The following MINK1 variants were observed in gnomAD, a reference collection of about 807,000 sequenced individuals.
MINK1 encodes the protein misshapen-like kinase 1.
A neutral mutation model predicts 178.4 loss-of-function variants in MINK1; 46 were observed. The ratio of observed to expected loss-of-function variants is 0.26; its 90% CI spans 0.20 to 0.33. The LOEUF (loss-of-function observed/expected upper bound fraction) is 0.33, where lower values mean the gene tolerates loss of function less well. Ranked by LOEUF, MINK1 falls within the 10% of genes least tolerant of loss-of-function variation. MINK1 has a pLI of 1.00. For missense variants in MINK1, 1,366 were observed against 1,814.9 expected, an observed-to-expected ratio of 0.75 and a Z score of 4.49; for synonymous variants, 797 against 709.7, an observed-to-expected ratio of 1.12 and a Z score of -1.96.
chr17:4,855,502 G>T (rs1295416413), intron 1 of MINK1, among the ~76,000 whole-genome samples: 147 of 91,280 alleles, frequency 1.6e-3, no homozygotes, highest in Non-Finnish European at 2.0e-3. Flanking sequence ...AAAAAAAAAG[G>T]CCGGGCACAG....
In MINK1 at chr17:4,885,900, C is replaced by T; in HGVS notation, c.640-11C>T. 6.2e-7 allele frequency: 1 copy of T among 1,613,464 alleles called. No homozygotes were observed. Among genetic ancestry groups the T allele is most frequent in the East Asian group, 2.2e-5 (1 of 44,874 alleles). Reference sequence around the variant, plus strand: ...AGGAATATTCACTTGTTCCTTCTTTCCCGTCTATAGAGTGATATTTGGTCT... The same window carrying T: ...AGGAATATTCACTTGTTCCTTCTTTTCCGTCTATAGAGTGATATTTGGTCT... On this transcript the variant is annotated splice_polypyrimidine_tract_variant and intron_variant, in intron 7 of 31. Coordinates refer to ENST00000355280, the MANE Select transcript of MINK1 (RefSeq NM_153827.5). This position sits in a 1 kb window ranked among gnomAD's most constrained non-coding sequence, Gnocchi z 5.0.
intron 1 of MINK1, among the ~76,000 whole-genome samples, chr17:4,869,940 T>C (rs1019505862): frequency 0.043 from 6 of 138 alleles, no homozygotes; most frequent in Non-Finnish European, 0.083. Flanking sequence ...GGAGTCTTGC[T>C]GTGTCGCCCC....
intron 1 of MINK1, among the ~76,000 whole-genome samples, chr17:4,873,557 A>T (rs1312480251): frequency 6.7e-6 from 1 of 150,072 alleles, no homozygotes; most frequent in East Asian, 2.0e-4. Context: ...CCAATTCAAC[A>T]TTCAAACCCA....
chr17:4,896,355 G>C lies in MINK1; in HGVS notation c.3615+13G>C, dbSNP rs749009611. 6.2e-6 allele frequency: 10 copies of C among 1,600,660 alleles called. No individual in the cohort carries two copies. The East Asian group carries it at 2.0e-4, about 32-fold the overall frequency. On this transcript the variant is annotated intron_variant, in intron 29 of 31. Coordinates refer to ENST00000355280, the MANE Select transcript of MINK1 (RefSeq NM_153827.5). The surrounding 1 kb of genome is among the most constrained non-coding windows in gnomAD (Gnocchi z 4.6). The stretch of plus-strand genomic sequence containing the variant: ...CATCCCTGTGCACGTGAGCTTGGCG[G>C]GGCTGCTGGGGGAGTGGGATGGCCC...
chr17:4,839,136 G>T (rs1909776039), intron 1 of MINK1, among the ~76,000 whole-genome samples: 1 of 152,066 alleles, frequency 6.6e-6, no homozygotes, highest in Non-Finnish European at 1.5e-5. Context: ...GTAGAGACGG[G>T]GTTTCACCGT....
At position 4,896,834 on chromosome 17, in the gene MINK1, G is replaced by C. The variant is rs1314674053; in HGVS notation, c.3915+21G>C. Reference sequence around the variant, plus strand: ...ACAAGGTGGGAGGCTCCTTCCCTCTGAAAGCCCTGCTGTCCCGGCTGCCAT... The same window carrying C: ...ACAAGGTGGGAGGCTCCTTCCCTCTCAAAGCCCTGCTGTCCCGGCTGCCAT... On this transcript the variant is annotated intron_variant, in intron 31 of 31. Coordinates refer to ENST00000355280, the MANE Select transcript of MINK1 (RefSeq NM_153827.5). This position sits in a 1 kb window ranked among gnomAD's most constrained non-coding sequence, Gnocchi z 4.6. 3.2e-5 allele frequency: 49 copies of C among 1,542,650 alleles called. No homozygotes were observed. Among genetic ancestry groups the C allele is most frequent in the Non-Finnish European group, 4.0e-5 (46 of 1,145,346 alleles).
At chr17:4,880,347 G>A (rs1967582454) in intron 2 of MINK1, among the ~76,000 whole-genome samples, 2 of 149,956 alleles carry the variant, frequency 1.3e-5, no homozygotes, top group African/African-American at 2.4e-5. Context: ...CCCCAGGTGG[G>A]AGTGCAGTGG....
intron 1 of MINK1, among the ~76,000 whole-genome samples, chr17:4,867,744 G>A (rs529429559): frequency 2.0e-5 from 3 of 152,020 alleles, no homozygotes; most frequent in East Asian, 3.9e-4. Context: ...CCTGGAAGGC[G>A]GAGGTGGCAG....
chr17:4,848,211 T>C (rs1287869743), intron 1 of MINK1, among the ~76,000 whole-genome samples: 5 of 152,170 alleles, frequency 3.3e-5, no homozygotes, highest in Non-Finnish European at 7.3e-5. Context: ...CAGGGAATTG[T>C]TCCTTAGGGA....
intron 1 of MINK1, chr17:4,857,255 C>T (rs1376224005): frequency 1.3e-5 from 3 of 231,190 alleles, no homozygotes; most frequent in Non-Finnish European, 2.7e-5. Context: ...CAGACATGGC[C>T]ATGATGCCGG....
intron 1 of MINK1, among the ~76,000 whole-genome samples, chr17:4,838,499 C>T (rs1909639018): frequency 6.6e-6 from 1 of 152,146 alleles, no homozygotes; most frequent in Admixed American, 6.6e-5. Flanking sequence ...TTCCTTTCCG[C>T]ATTGAACTGT....
chr17:4,850,145 A>G (rs937803008), intron 1 of MINK1, among the ~76,000 whole-genome samples: 1 of 152,206 alleles, frequency 6.6e-6, no homozygotes, highest in African/African-American at 2.4e-5. Context: ...CCATGAAGGA[A>G]GAAGGGACCA....
In MINK1 at chr17:4,887,352, C is replaced by T. The variant is rs1968310264; in HGVS notation, c.1019+173C>T. On this transcript the variant is annotated intron_variant, in intron 11 of 31. Transcript: ENST00000355280. The surrounding 1 kb of genome is among the most constrained non-coding windows in gnomAD (Gnocchi z 7.6). ...AGTGGAACCAATGACTGAGCAAGAG[C>T]TGGGGAGAGAGCAATTTGTGGTGAA... 1.3e-5 allele frequency among the ~76,000 whole-genome samples: 2 copies of T among 152,054 alleles called. No homozygotes were observed. The highest frequency in any genetic ancestry group is 4.1e-4 in the South Asian group (2 of 4,822).
At chr17:4,860,400 G>A (rs1913976926) in intron 1 of MINK1, among the ~76,000 whole-genome samples, 1 of 152,182 alleles carries the variant, frequency 6.6e-6, no homozygotes, top group South Asian at 2.1e-4. Context: ...TAGGCTCTGA[G>A]TTTCAGTTCG....
intron 1 of MINK1, among the ~76,000 whole-genome samples, chr17:4,861,297 G>C (rs1240113559): frequency 6.6e-6 from 1 of 152,146 alleles, no homozygotes; most frequent in African/African-American, 2.4e-5. Context: ...GAGTTTCTGC[G>C]TTAACATCAC....
chr17:4,896,079 C>T lies in MINK1; in HGVS notation c.3441C>T (p.Pro1147=). The change falls in exon 28 of 32, where the codon CCC becomes CCT. Residue 1147 remains proline, a synonymous_variant. Transcript: ENST00000355280. The surrounding 1 kb of genome is among the most constrained non-coding windows in gnomAD (Gnocchi z 4.6). ...AGGTGTATGCCTGGGCCCCCAAACC[C>T]TACCACAAATTCATGGCCTTCAAGG... is the stretch of plus-strand genomic sequence containing the variant. The part of the protein sequence containing the change: ...SVEVYAWAPK[P]YHKFMAFKSF... 4 of 1,608,144 alleles carry T rather than the reference C, an allele frequency of 2.5e-6. No homozygotes were observed. Among genetic ancestry groups the T allele is most frequent in the Non-Finnish European group, 3.4e-6 (4 of 1,177,326 alleles).
At chr17:4,872,448 G>A (rs1915967504) in intron 1 of MINK1, among the ~76,000 whole-genome samples, 1 of 151,958 alleles carries the variant, frequency 6.6e-6, no homozygotes, top group South Asian at 2.1e-4. Context: ...GACCAGCCTG[G>A]GCAACACGGT....
At chr17:4,890,128 T>C in intron 13 of MINK1, 1 of 485,316 alleles carries the variant, frequency 2.1e-6, no homozygotes, top group Non-Finnish European at 3.4e-6. Flanking sequence ...CTCCTGCGGA[T>C]CCCTTCCTCC....
In MINK1 at chr17:4,833,559, C is replaced by G; in HGVS notation, c.-25C>G. On this transcript the variant is annotated 5_prime_UTR_variant, in exon 1 of 32. Transcript: ENST00000355280. The surrounding 1 kb of genome is among the most constrained non-coding windows in gnomAD (Gnocchi z 4.8). ...AACCGAGCCGGAGCGTGAGCGGCCC[C>G]GGTGCCCCGTTCCCCACGGAGGCCA... 2 of 1,490,744 alleles carry G rather than the reference C, an allele frequency of 1.3e-6. No homozygotes were observed. 92.3% of individuals were successfully genotyped at this position (1,490,744 alleles called of 1,614,324 possible).
Sources: allele counts gnomAD v4.1 joint callset (sites outside exome capture counted in the v4.1 genomes callset), GRCh38; gene constraint gnomAD v4.1.1; non-coding constraint Gnocchi (gnomAD v3.1); transcripts MANE v1.5; gene names NCBI Gene and HGNC (gene_info 2026-07-23, HGNC 2026-07-21).